Variants in MNAT1 observed in about 807,000 individuals in gnomAD.
The protein encoded by MNAT1 is MNAT1 component of CDK activating kinase.
In MNAT1, 43 loss-of-function variants were observed where a neutral mutation model predicts 42.0. The ratio of observed to expected loss-of-function variants is 1.02; its 90% confidence interval spans 0.80 to 1.32. MNAT1 has a LOEUF of 1.32. Ranked by LOEUF, MNAT1 falls within the 40% of genes most tolerant of loss-of-function variation. The pLI, the probability that MNAT1 is intolerant of heterozygous loss-of-function variation, is 0.00. For missense variants in MNAT1, 306 were observed against 350.4 expected, an observed-to-expected ratio of 0.87 and a Z score of 1.01; for synonymous variants, 118 against 120.0, an observed-to-expected ratio of 0.98 and a Z score of 0.11.
At chr14:60,945,535 A>G (rs2036254304) in intron 7 of MNAT1, among the ~76,000 whole-genome samples, 1 of 152,210 alleles carries the variant, frequency 6.6e-6, no homozygotes, top group South Asian at 2.1e-4. Context: ...AGAAGGGCTT[A>G]GGCCACTGGG....
chr14:60,752,415 T>C (rs2030134919), intron 1 of MNAT1, among the ~76,000 whole-genome samples: 1 of 152,212 alleles, frequency 6.6e-6, no homozygotes, highest in Non-Finnish European at 1.5e-5. Context: ...GTCTATTATG[T>C]TTTATTGAAA....
intron 7 of MNAT1, among the ~76,000 whole-genome samples, chr14:60,880,378 G>T (rs763377197): frequency 4.6e-5 from 7 of 152,116 alleles, no homozygotes; most frequent in Admixed American, 3.3e-4. Context: ...TGGAGAGATG[G>T]TTATAGTCTC....
chr14:60,766,745 A>G (rs570735841), intron 1 of MNAT1, among the ~76,000 whole-genome samples: 1 of 152,302 alleles, frequency 6.6e-6, no homozygotes, highest in East Asian at 1.9e-4. Flanking sequence ...ACTTTTAGAT[A>G]TGGGACAATT....
intron 1 of MNAT1, among the ~76,000 whole-genome samples, chr14:60,793,526 C>A (rs1214905323): frequency 6.6e-6 from 1 of 152,024 alleles, no homozygotes; most frequent in Admixed American, 6.6e-5. Flanking sequence ...CCACATCTAG[C>A]TAATTTTTTT....
At position 60,843,391 on chromosome 14, in the gene MNAT1, CT is replaced by C. The variant is rs376818725; in HGVS notation, c.687+24545del. ...GTTCACGCTATTCTCCTGCCTCAGC[CT>C]CCCAAGCTGCTGGGATTACAGGCAC... is the stretch of plus-strand genomic sequence containing the variant. On this transcript the variant is annotated intron_variant, in intron 6 of 7. Coordinates refer to ENST00000261245, the MANE Select transcript of MNAT1 (RefSeq NM_002431.4). 3.2e-4 allele frequency among the ~76,000 whole-genome samples: 49 copies of C among 152,270 alleles called. 1 individual carries two copies. The East Asian group carries it at 9.1e-3, about 28-fold the overall frequency.
At chr14:60,896,755 G>T (rs1030927066) in intron 7 of MNAT1, among the ~76,000 whole-genome samples, 3 of 152,058 alleles carry the variant, frequency 2.0e-5, no homozygotes, top group Non-Finnish European at 2.9e-5. Flanking sequence ...CAAAGTGCTG[G>T]GATTACAGGC....
At chr14:60,962,414 G>C (rs1370734822) in intron 7 of MNAT1, among the ~76,000 whole-genome samples, 1 of 152,114 alleles carries the variant, frequency 6.6e-6, no homozygotes, top group East Asian at 1.9e-4. Context: ...TATATAGACA[G>C]AATCTATCCT....
chr14:60,915,847 C>G (rs2035501073), intron 7 of MNAT1, among the ~76,000 whole-genome samples: 1 of 152,110 alleles, frequency 6.6e-6, no homozygotes, highest in Admixed American at 6.6e-5. Context: ...TGAATTTTAC[C>G]TCAAACTTAA....
In MNAT1 at chr14:60,876,731, A is replaced by T. The variant is rs575460566; in HGVS notation, c.688-2983A>T. On this transcript the variant is annotated intron_variant, in intron 6 of 7. Transcript: ENST00000261245. ...TATCATAATATCTTCAGGTCCATCC[A>T]TGTTGTCATATGTCAAAATTTCCTT... Among the ~76,000 whole-genome samples, 3 of 152,146 alleles carry T rather than the reference A, an allele frequency of 2.0e-5. No homozygotes were observed. The South Asian group carries it at 6.2e-4, about 32-fold the overall frequency.
intron 7 of MNAT1, among the ~76,000 whole-genome samples, chr14:60,938,874 T>TG (rs1392844612): frequency 2.0e-5 from 3 of 152,146 alleles, no homozygotes; most frequent in Admixed American, 1.3e-4. Flanking sequence ...GACTTCTTTT[T>TG]GTTGGTAAGC....
At chr14:60,958,273 T>C (rs1206841678) in intron 7 of MNAT1, among the ~76,000 whole-genome samples, 1 of 152,218 alleles carries the variant, frequency 6.6e-6, no homozygotes, top group Non-Finnish European at 1.5e-5. Flanking sequence ...CCCTCATTGG[T>C]GAAGGATAGC....
chr14:60,918,198 C>CTTTTTTTTTTTT (rs386381525), intron 7 of MNAT1, among the ~76,000 whole-genome samples: 2 of 48,598 alleles, frequency 4.1e-5, no homozygotes, highest in African/African-American at 6.2e-5. Flanking sequence ...ATTAATTGTT[C>CTTTTTTTTTTTT]TTTTTTTTTT....
chr14:60,957,449 C>T (rs2036506383), intron 7 of MNAT1, among the ~76,000 whole-genome samples: 1 of 152,026 alleles, frequency 6.6e-6, no homozygotes, highest in Non-Finnish European at 1.5e-5. Context: ...GGGGAACTCC[C>T]CTTTATAAAA....
chr14:60,793,999 C>T (rs934214932), intron 1 of MNAT1, among the ~76,000 whole-genome samples: 3 of 151,984 alleles, frequency 2.0e-5, no homozygotes, highest in African/African-American at 7.2e-5. Flanking sequence ...ATTTTGGAAA[C>T]AATATATTAT....
intron 1 of MNAT1, among the ~76,000 whole-genome samples, chr14:60,771,488 G>T (rs917606331): frequency 6.6e-6 from 1 of 152,110 alleles, no homozygotes; most frequent in African/African-American, 2.4e-5. Context: ...ACACACAGTG[G>T]CCAAGAATGA....
intron 7 of MNAT1, among the ~76,000 whole-genome samples, chr14:60,891,890 G>A (rs189207197): frequency 2.0e-5 from 3 of 151,828 alleles, no homozygotes; most frequent in African/African-American, 7.2e-5. Flanking sequence ...TTTTCCTTGC[G>A]ATTTTTTTTG....
Position 60,968,505 on chromosome 14 carries a change from A to G in MNAT1, c.*156A>G. ...AGGAGAAAATTTCAGAACTAAGTTG[A>G]GTAATATAGGGGATATATATTTGTG... is the stretch of plus-strand genomic sequence containing the variant. On this transcript the variant is annotated 3_prime_UTR_variant, in exon 8 of 8. Transcript: ENST00000261245. The G allele has an allele frequency of 1.3e-6, 2 of 1,487,132 alleles. No individual in the cohort carries two copies. The highest frequency in any genetic ancestry group is 1.8e-6 in the Non-Finnish European group (2 of 1,117,810). 92.1% of individuals were successfully genotyped at this position (1,487,132 alleles called of 1,614,324 possible).
rs890592939 is a variant in MNAT1, at chr14:60,740,114, C to T, written c.89+5163C>T. On this transcript the variant is annotated intron_variant, in intron 1 of 7. Transcript: ENST00000261245. The surrounding 1 kb of genome is among the most constrained non-coding windows in gnomAD (Gnocchi z 4.1). ...AGGTTGCAGTGAGCCGAGATCACAC[C>T]ACTGCACTCCAGCCTAGGCTACAGA... Among the ~76,000 whole-genome samples, 4 of 152,182 alleles carry T rather than the reference C, an allele frequency of 2.6e-5. No homozygotes were observed. Among genetic ancestry groups the T allele is most frequent in the African/African-American group, 9.7e-5 (4 of 41,440 alleles).
At chr14:60,828,667 A>G (rs1400162546) in intron 6 of MNAT1, among the ~76,000 whole-genome samples, 2 of 152,118 alleles carry the variant, frequency 1.3e-5, no homozygotes, top group Non-Finnish European at 2.9e-5. Flanking sequence ...CCCACTGGGT[A>G]AGATCCCAGT....
Sources: allele counts gnomAD v4.1 joint callset (sites outside exome capture counted in the v4.1 genomes callset), GRCh38; gene constraint gnomAD v4.1.1; non-coding constraint Gnocchi (gnomAD v3.1); transcripts MANE v1.5; gene names NCBI Gene and HGNC (gene_info 2026-07-23, HGNC 2026-07-21).